Variants in PCDH15 observed in about 807,000 individuals in gnomAD.
The protein encoded by PCDH15 is protocadherin related 15.
PCDH15 carries 129 observed loss-of-function variants against 178.5 expected under a neutral mutation model. That is an observed-to-expected ratio of 0.72 (90% CI 0.63 to 0.84). PCDH15 has a LOEUF of 0.84. Ranked by LOEUF, PCDH15 falls within the 40% of genes least tolerant of loss-of-function variation. PCDH15 has a pLI of 0.00. For missense variants in PCDH15, 2,230 were observed against 2,099.9 expected, an observed-to-expected ratio of 1.06 and a Z score of -1.21; for synonymous variants, 800 against 732.0, an observed-to-expected ratio of 1.09 and a Z score of -1.50.
At chr10:54,641,672 C>G (rs991785244) in intron 2 of PCDH15, among the ~76,000 whole-genome samples, 2 of 152,100 alleles carry the variant, frequency 1.3e-5, no homozygotes, top group African/African-American at 2.4e-5. Context: ...TCACTTGTCT[C>G]TAGCTCCACT....
At chr10:54,070,449 C>T (rs1385843480) in intron 17 of PCDH15, among the ~76,000 whole-genome samples, 1 of 152,214 alleles carries the variant, frequency 6.6e-6, no homozygotes, top group Middle Eastern at 3.2e-3. Flanking sequence ...AACAATCTGT[C>T]CGCCTTGGCC....
At chr10:54,290,945 A>G (rs2059364162) in intron 8 of PCDH15, among the ~76,000 whole-genome samples, 2 of 152,190 alleles carry the variant, frequency 1.3e-5, no homozygotes, top group Non-Finnish European at 1.5e-5. Context: ...CACAATAATA[A>G]TGGGAGACTT....
At chr10:55,392,923 CT>C (rs1180771929) in intron 2 of PCDH15, among the ~76,000 whole-genome samples, 1 of 151,018 alleles carries the variant, frequency 6.6e-6, no homozygotes, top group Non-Finnish European at 1.5e-5. Context: ...AATTATTTTT[CT>C]TATTTTTGAG....
At chr10:54,550,958 C>A (rs1334104801) in intron 2 of PCDH15, among the ~76,000 whole-genome samples, 1 of 151,636 alleles carries the variant, frequency 6.6e-6, no homozygotes, top group African/African-American at 2.4e-5. Flanking sequence ...GAGTTCATGA[C>A]CAACCTGGCA....
At chr10:54,118,214 T>C (rs2095149705) in intron 15 of PCDH15, among the ~76,000 whole-genome samples, 1 of 152,098 alleles carries the variant, frequency 6.6e-6, no homozygotes, top group African/African-American at 2.4e-5. Context: ...ATGGAATATA[T>C]TGGAGAACAC....
intron 8 of PCDH15, among the ~76,000 whole-genome samples, chr10:54,313,546 A>G (rs1262528959): frequency 6.6e-6 from 1 of 152,114 alleles, no homozygotes; most frequent in African/African-American, 2.4e-5. Context: ...TGCCAGAGCC[A>G]GAAAAAACCT....
chr10:54,364,589 T>C (rs767573130), intron 5 of PCDH15, among the ~76,000 whole-genome samples: 1 of 152,184 alleles, frequency 6.6e-6, no homozygotes, highest in African/African-American at 2.4e-5. Flanking sequence ...CTGATTTCAA[T>C]GTTCAAATCT....
At chr10:54,074,849 A>C (rs1427174426) in intron 17 of PCDH15, among the ~76,000 whole-genome samples, 2 of 152,088 alleles carry the variant, frequency 1.3e-5, no homozygotes, top group African/African-American at 4.8e-5. Context: ...CATCCTCATC[A>C]ACATGTTATG....
chr10:54,300,308 G>A (rs7901367), intron 8 of PCDH15, among the ~76,000 whole-genome samples: 39,185 of 152,084 alleles, frequency 0.26, 6,321 homozygotes, highest in Middle Eastern at 0.38. Context: ...AGGTCCGGTA[G>A]CAGCCATTTT....
chr10:54,099,436 T>C (rs912131674), intron 15 of PCDH15, among the ~76,000 whole-genome samples: 4 of 140,874 alleles, frequency 2.8e-5, no homozygotes, highest in Non-Finnish European at 4.5e-5. Context: ...GAGGAGGAGC[T>C]TGCAGTGAGC....
At chr10:55,085,515 G>A (rs570626448) in intron 2 of PCDH15, among the ~76,000 whole-genome samples, 10 of 151,902 alleles carry the variant, frequency 6.6e-5, no homozygotes, top group Non-Finnish European at 1.5e-4. Context: ...CACAAAGAAA[G>A]GAGAAATGCT....
Position 54,787,749 on chromosome 10 carries a change from G to A in PCDH15, c.-29+13176C>T, listed in dbSNP as rs948564870. Among the ~76,000 whole-genome samples the A allele has an allele frequency of 2.0e-5, 3 of 152,066 alleles. No homozygotes were observed. In the East Asian group the frequency reaches 5.8e-4, roughly 30 times the overall value. ...AGCCAACATACGGATTTTGAGGACA[G>A]ATTCAACTAGCAAAGCCAATGGAGA... On this transcript the variant is annotated intron_variant, in intron 1 of 37. Transcript: ENST00000644397.
chr10:55,593,664 T>G (rs1842887404), intron 2 of PCDH15, among the ~76,000 whole-genome samples: 1 of 151,902 alleles, frequency 6.6e-6, no homozygotes, highest in South Asian at 2.1e-4. Context: ...AGAAGTATTG[T>G]GTGATGACTT....
At chr10:53,940,384 C>T (rs148717207) in intron 24 of PCDH15, among the ~76,000 whole-genome samples, 3 of 152,170 alleles carry the variant, frequency 2.0e-5, no homozygotes, top group East Asian at 3.9e-4. Context: ...ATATAACATG[C>T]ATAGCTTTTA....
At chr10:54,224,370 T>C (rs1389479603) in intron 9 of PCDH15, among the ~76,000 whole-genome samples, 2 of 152,128 alleles carry the variant, frequency 1.3e-5, no homozygotes, top group African/African-American at 4.8e-5. Flanking sequence ...GTAAAAACAT[T>C]GTACGAGAAT....
intron 26 of PCDH15, among the ~76,000 whole-genome samples, chr10:53,896,984 T>C (rs551375822): frequency 6.6e-6 from 1 of 152,314 alleles, no homozygotes; most frequent in African/African-American, 2.4e-5. Flanking sequence ...GCATAATAAA[T>C]GTGATGCACT....
chr10:54,659,220 A>C lies in PCDH15; in HGVS notation c.91+4952T>G, dbSNP rs547995789. On this transcript the variant is annotated intron_variant, in intron 2 of 37. Transcript: ENST00000644397. ...TGGTGACAGCACCAGATAGATTATC[A>C]AGGCAAAAGAAAACCAACAAAGTAA... Among the ~76,000 whole-genome samples, 319 of 152,270 alleles carry C rather than the reference A, an allele frequency of 2.1e-3. 1 individual carries two copies. Among genetic ancestry groups the C allele is most frequent in the African/African-American group, 7.6e-3 (314 of 41,560 alleles).
chr10:54,544,170 T>G (rs939712242), intron 2 of PCDH15, among the ~76,000 whole-genome samples: 11 of 152,174 alleles, frequency 7.2e-5, no homozygotes, highest in Non-Finnish European at 1.6e-4. Flanking sequence ...AAACTTTTGT[T>G]GGCAAGTTTA....
intron 1 of PCDH15, among the ~76,000 whole-genome samples, chr10:55,250,661 C>A (rs984609301): frequency 6.6e-6 from 1 of 151,040 alleles, no homozygotes; most frequent in Non-Finnish European, 1.5e-5. Flanking sequence ...CTCACCCTCC[C>A]GAGTAGCTGG....
Sources: gnomAD v4.1 joint callset for allele counts (sites outside exome capture counted in the v4.1 genomes callset) on GRCh38, gnomAD v4.1.1 for gene constraint, MANE v1.5 for transcripts, NCBI Gene and HGNC (gene_info 2026-07-23, HGNC 2026-07-21) for gene names.